The following LOC128462377 variants were observed in gnomAD, a reference collection of about 807,000 sequenced individuals.
chr16:89,336,897 C>T, the LOC128462377 span, among the ~76,000 whole-genome samples: 5 of 147,786 alleles, frequency 3.4e-5, no homozygotes, highest in African/African-American at 5.0e-5. Flanking sequence ...AGGCTGGGTG[C>T]GGTGGCTCAT....
chr16:89,386,281 T>C, the LOC128462377 span, among the ~76,000 whole-genome samples: 1 of 152,242 alleles, frequency 6.6e-6, no homozygotes, highest in African/African-American at 2.4e-5. Context: ...GTCACTTTTT[T>C]TTTTTAAAGC....
the LOC128462377 span, among the ~76,000 whole-genome samples, chr16:89,402,840 G>C: frequency 6.6e-6 from 1 of 150,416 alleles, no homozygotes; most frequent in African/African-American, 2.5e-5. Context: ...ACTGCGGGAG[G>C]AGGTGGGCGG....
chr16:89,398,374 C>T, the LOC128462377 span, among the ~76,000 whole-genome samples: 1 of 87,620 alleles, frequency 1.1e-5, no homozygotes, highest in Non-Finnish European at 2.5e-5. Context: ...ACATGAGGGA[C>T]GCTGTGAAAC....
chr16:89,344,417 C>G, the LOC128462377 span, among the ~76,000 whole-genome samples: 1 of 152,192 alleles, frequency 6.6e-6, no homozygotes, highest in African/African-American at 2.4e-5. Context: ...CAGACCCCGT[C>G]AGGGCCAACA....
chr16:89,407,841 C>T, the LOC128462377 span, among the ~76,000 whole-genome samples: 1 of 126,734 alleles, frequency 7.9e-6, no homozygotes, highest in Non-Finnish European at 1.6e-5. Flanking sequence ...GAGTCAGATC[C>T]TGTCTCCCTC....
the LOC128462377 span, among the ~76,000 whole-genome samples, chr16:89,398,299 G>A: frequency 6.7e-6 from 1 of 149,676 alleles, no homozygotes; most frequent in East Asian, 2.0e-4. Flanking sequence ...ACTCTGGGAG[G>A]CTGACATGAG....
chr16:89,353,094 A>T, the LOC128462377 span, among the ~76,000 whole-genome samples: 1 of 152,232 alleles, frequency 6.6e-6, no homozygotes, highest in South Asian at 2.1e-4. Context: ...AATTAATCCC[A>T]GCACTTTGGG....
At chr16:89,351,633 G>A in the LOC128462377 span, among the ~76,000 whole-genome samples, 1 of 152,220 alleles carries the variant, frequency 6.6e-6, no homozygotes, top group Non-Finnish European at 1.5e-5. Context: ...GGGCACTGCA[G>A]ACATAGGCCC....
chr16:89,378,354 G>C, the LOC128462377 span, among the ~76,000 whole-genome samples: 1 of 152,180 alleles, frequency 6.6e-6, no homozygotes, highest in Non-Finnish European at 1.5e-5. Context: ...TAATCCCCAA[G>C]TTGTTCAAGG....
the LOC128462377 span, among the ~76,000 whole-genome samples, chr16:89,318,690 C>G: frequency 1.3e-5 from 2 of 152,220 alleles, no homozygotes; most frequent in African/African-American, 2.4e-5. Flanking sequence ...TCCTCCAACA[C>G]CATCTCATGA....
At chr16:89,358,615 TAATA>T in the LOC128462377 span, among the ~76,000 whole-genome samples, 5 of 152,080 alleles carry the variant, frequency 3.3e-5, no homozygotes, top group African/African-American at 9.7e-5. Flanking sequence ...AAATAATAAT[TAATA>T]AATAAACAGA....
At chr16:89,329,800 G>A in the LOC128462377 span, among the ~76,000 whole-genome samples, 1 of 152,104 alleles carries the variant, frequency 6.6e-6, no homozygotes, top group Admixed American at 6.5e-5. Context: ...CTTGAGGTCA[G>A]GAGTTCGAAA....
the LOC128462377 span, among the ~76,000 whole-genome samples, chr16:89,351,316 G>A: frequency 6.6e-6 from 1 of 152,178 alleles, no homozygotes; most frequent in African/African-American, 2.4e-5. Context: ...CATTCCTGAA[G>A]GGGATGGCAT....
the LOC128462377 span, among the ~76,000 whole-genome samples, chr16:89,410,855 C>G: frequency 3.3e-5 from 5 of 152,332 alleles, no homozygotes; most frequent in Admixed American, 3.3e-4. Flanking sequence ...GTGGCCAGGG[C>G]AAGACAGAAA....
chr16:89,334,144 T>TAAAAAAA, the LOC128462377 span, among the ~76,000 whole-genome samples: 351 of 41,412 alleles, frequency 8.5e-3, 80 homozygotes, highest in African/African-American at 0.032. Flanking sequence ...CCCTGTGTTT[T>TAAAAAAA]AAAAAAAAAA....
At chr16:89,373,056 C>G in the LOC128462377 span, 7 of 152,400 alleles carry the variant, frequency 4.6e-5, no homozygotes, top group African/African-American at 1.7e-4. Flanking sequence ...GTTCCTCTGT[C>G]CCCATTGTCG....
chr16:89,384,337 C>G, the LOC128462377 span, among the ~76,000 whole-genome samples: 1 of 152,200 alleles, frequency 6.6e-6, no homozygotes, highest in Non-Finnish European at 1.5e-5. Flanking sequence ...TCGAGACCAG[C>G]CCGTCCAACA....
chr16:89,350,035 T>C, the LOC128462377 span, among the ~76,000 whole-genome samples: 1 of 152,148 alleles, frequency 6.6e-6, no homozygotes, highest in Admixed American at 6.5e-5. Context: ...TGAAGACACA[T>C]GCTTCACCAA....
At chr16:89,355,203 G>A in the LOC128462377 span, among the ~76,000 whole-genome samples, 4 of 152,056 alleles carry the variant, frequency 2.6e-5, no homozygotes, top group East Asian at 3.9e-4. Context: ...GGTGATGCTC[G>A]GGAGGCGGGC....
Sources: allele counts gnomAD v4.1 joint callset (sites outside exome capture counted in the v4.1 genomes callset), GRCh38; gene constraint gnomAD v4.1.1; transcripts MANE v1.5.